Variants in SSBP2 observed in about 807,000 individuals in gnomAD.
SSBP2 encodes single stranded DNA binding protein 2, also known as single-stranded DNA-binding protein 2.
In SSBP2, 17 loss-of-function variants were observed where a neutral mutation model predicts 61.8. The observed-to-expected ratio is 0.28, with a 90% confidence interval of 0.19 to 0.41. SSBP2 has a LOEUF of 0.41. SSBP2 is among the 10% of genes least tolerant of loss of function. The pLI is 1.00. For synonymous variants in SSBP2, 139 were observed against 141.3 expected (o/e 0.98, Z 0.12); for missense variants, 310 against 458.7 (o/e 0.68, Z 2.96).
At chr5:81,750,743 TC>T in intron 1 of SSBP2, 1 of 554,888 alleles carries the variant, frequency 1.8e-6, no homozygotes, top group Non-Finnish European at 3.2e-6. Context: ...CCGCCGCCCC[TC>T]AACACACCCG....
In SSBP2 at chr5:81,413,810, T is replaced by G. The variant is rs1163186721; in HGVS notation, c.*6694A>C. On this transcript the variant is annotated 3_prime_UTR_variant, in exon 17 of 17. Coordinates refer to ENST00000320672, the MANE Select transcript of SSBP2 (RefSeq NM_012446.5). Reference sequence around the variant, plus strand: ...ATTTGTTGTCAAATTATGGTAACTGTACAGATTATTTGAATTGTTTTTTAA... The same window carrying G: ...ATTTGTTGTCAAATTATGGTAACTGGACAGATTATTTGAATTGTTTTTTAA... 1.3e-5 allele frequency: 2 copies of G among 152,210 alleles called. No individual in the cohort carries two copies. The highest frequency in any genetic ancestry group is 2.9e-5 in the Non-Finnish European group (2 of 68,008). 9.4% of individuals were successfully genotyped at this position (152,210 alleles called of 1,614,324 possible).
At chr5:81,507,175 T>C (rs1010145379) in intron 5 of SSBP2, among the ~76,000 whole-genome samples, 1 of 152,182 alleles carries the variant, frequency 6.6e-6, no homozygotes, top group East Asian at 1.9e-4. Context: ...AAGGCAGCTT[T>C]ACCACTACCA....
chr5:81,470,429 G>A (rs1287989029), intron 8 of SSBP2, among the ~76,000 whole-genome samples: 1 of 151,224 alleles, frequency 6.6e-6, no homozygotes, highest in Non-Finnish European at 1.5e-5. Context: ...ATAGATTAAG[G>A]GGTAGGGAAA....
At chr5:81,700,940 A>G (rs972104192) in intron 1 of SSBP2, among the ~76,000 whole-genome samples, 1 of 152,184 alleles carries the variant, frequency 6.6e-6, no homozygotes, top group Non-Finnish European at 1.5e-5. Context: ...TTGACCATAA[A>G]GCTATTCTAC....
At chr5:81,656,723 C>CT (rs1283144022) in intron 1 of SSBP2, among the ~76,000 whole-genome samples, 5 of 134,286 alleles carry the variant, frequency 3.7e-5, no homozygotes, top group Middle Eastern at 4.8e-3. Context: ...CTGTAAGTAA[C>CT]TCCAAAAAAA....
chr5:81,594,003 A>C (rs1025825651), intron 4 of SSBP2, among the ~76,000 whole-genome samples: 33 of 152,194 alleles, frequency 2.2e-4, no homozygotes, highest in African/African-American at 7.5e-4. Flanking sequence ...ATTAACTTTA[A>C]ATGTAAATGG....
At chr5:81,719,405 G>GTA (rs1448284999) in intron 1 of SSBP2, among the ~76,000 whole-genome samples, 1 of 152,212 alleles carries the variant, frequency 6.6e-6, no homozygotes, top group Non-Finnish European at 1.5e-5. Context: ...GAGATGTCCT[G>GTA]TATGGGCTTC....
At chr5:81,702,125 C>A (rs1010545630) in intron 1 of SSBP2, among the ~76,000 whole-genome samples, 1 of 152,120 alleles carries the variant, frequency 6.6e-6, no homozygotes, top group Admixed American at 6.5e-5. Flanking sequence ...GTAATCCCAG[C>A]ACTTTGGGAG....
intron 1 of SSBP2, among the ~76,000 whole-genome samples, chr5:81,727,762 G>A (rs1199127360): frequency 6.6e-6 from 1 of 152,108 alleles, no homozygotes; most frequent in Non-Finnish European, 1.5e-5. Flanking sequence ...CCAACTATAG[G>A]CAAAGTGACT....
chr5:81,623,144 T>C (rs952630958), intron 3 of SSBP2, among the ~76,000 whole-genome samples: 59 of 152,154 alleles, frequency 3.9e-4, no homozygotes, highest in Non-Finnish European at 7.8e-4. Flanking sequence ...TCAAAGATCT[T>C]AAAACCGAAG....
rs1761295448 is a variant in SSBP2, at chr5:81,415,942, A to ATCAAGCAT, written c.*4554_*4561dup. ...AAAAAAAAAAAAAGAGGAAAACCTG[A>ATCAAGCAT]TCAAGCATAGTGGCTCATGCCTGTA... On this transcript the variant is annotated 3_prime_UTR_variant, in exon 17 of 17. Transcript: ENST00000320672. 1 of 142,854 alleles carries ATCAAGCAT rather than the reference A, an allele frequency of 7.0e-6. No individual in the cohort carries two copies. Among genetic ancestry groups the ATCAAGCAT allele is most frequent in the African/African-American group, 2.7e-5 (1 of 37,430 alleles). The allele number at this position is 142,854 out of a possible 1,614,324, so 8.8% of individuals were successfully genotyped here.
At chr5:81,619,632 C>T (rs200405559) in intron 3 of SSBP2, among the ~76,000 whole-genome samples, 5,538 of 138,096 alleles carry the variant, frequency 0.04, 201 homozygotes, top group African/African-American at 0.097. Flanking sequence ...ATACCAAAGC[C>T]GGGCAGAGAC....
chr5:81,570,954 A>C (rs1773791723), intron 4 of SSBP2, among the ~76,000 whole-genome samples: 1 of 152,192 alleles, frequency 6.6e-6, no homozygotes, highest in Non-Finnish European at 1.5e-5. Context: ...TAGCTCTAAA[A>C]GATTTTTGAA....
Position 81,413,712 on chromosome 5 carries a change from T to C in SSBP2, c.*6792A>G, listed in dbSNP as rs1200640639. The C allele has an allele frequency of 1.3e-5, 2 of 152,176 alleles. No individual in the cohort carries two copies. The highest frequency in any genetic ancestry group is 2.4e-5 in the African/African-American group (1 of 41,462). 9.4% of individuals were successfully genotyped at this position (152,176 alleles called of 1,614,324 possible). ...GAAAGTAAAACAGTTTGAAATATGA[T>C]AGAAAGTATAAACACATTTCAATCA... is the stretch of plus-strand genomic sequence containing the variant. On this transcript the variant is annotated 3_prime_UTR_variant, in exon 17 of 17. Coordinates refer to ENST00000320672, the MANE Select transcript of SSBP2 (RefSeq NM_012446.5).
intron 4 of SSBP2, among the ~76,000 whole-genome samples, chr5:81,537,056 C>A (rs1383583845): frequency 6.6e-6 from 1 of 151,850 alleles, no homozygotes; most frequent in East Asian, 1.9e-4. Flanking sequence ...AGATTAGATT[C>A]ATTTTCTAAA....
chr5:81,430,652 C>T (rs1762224651), intron 15 of SSBP2, among the ~76,000 whole-genome samples: 2 of 152,086 alleles, frequency 1.3e-5, no homozygotes, highest in Admixed American at 1.3e-4. Context: ...ACACAAAATA[C>T]TTCCAGTGTT....
intron 15 of SSBP2, among the ~76,000 whole-genome samples, chr5:81,434,486 G>A (rs375638103): frequency 1.3e-5 from 2 of 151,914 alleles, no homozygotes; most frequent in Admixed American, 6.6e-5. Context: ...GAGAAACTCC[G>A]TCTCTACAGG....
chr5:81,612,012 A>G (rs1745499512), intron 4 of SSBP2, among the ~76,000 whole-genome samples: 1 of 152,132 alleles, frequency 6.6e-6, no homozygotes, highest in Non-Finnish European at 1.5e-5. Context: ...TTACCACAAA[A>G]GGGAAAAAAT....
intron 12 of SSBP2, among the ~76,000 whole-genome samples, chr5:81,444,125 G>A (rs1763217437): frequency 6.6e-6 from 1 of 152,078 alleles, no homozygotes; most frequent in Non-Finnish European, 1.5e-5. Flanking sequence ...ATATCTATTT[G>A]AATATATCAT....
Sources: allele counts gnomAD v4.1 joint callset (sites outside exome capture counted in the v4.1 genomes callset), GRCh38; gene constraint gnomAD v4.1.1; transcripts MANE v1.5; gene names NCBI Gene and HGNC (gene_info 2026-07-23, HGNC 2026-07-21).